Variants in CNTNAP2 observed in about 807,000 individuals in gnomAD.
CNTNAP2 encodes contactin associated protein 2.
Under a neutral mutation model 155.2 loss-of-function variants are expected in CNTNAP2, and 98 were observed. That is an observed-to-expected ratio of 0.63 (90% confidence interval 0.54 to 0.75). The LOEUF (loss-of-function observed/expected upper bound fraction) is 0.75, where lower values mean the gene tolerates loss of function less well. Among genes scored for constraint, CNTNAP2 ranks in the 30% least tolerant of loss-of-function variants. CNTNAP2 has a pLI of 0.00. For missense variants in CNTNAP2, 1,727 were observed against 1,688.1 expected (o/e 1.02, Z -0.40); for synonymous variants, 651 against 631.2 (o/e 1.03, Z -0.47).
At chr7:146,929,769 G>A (rs1796704490) in intron 3 of CNTNAP2, among the ~76,000 whole-genome samples, 1 of 152,214 alleles carries the variant, frequency 6.6e-6, no homozygotes, top group Admixed American at 6.5e-5. Context: ...TGAAAGCCAA[G>A]GCTCGAGAAC....
chr7:146,711,109 CACACACACACAG>C (rs1260411551), intron 1 of CNTNAP2, among the ~76,000 whole-genome samples: 1 of 150,598 alleles, frequency 6.6e-6, no homozygotes, highest in East Asian at 2.0e-4. Context: ...TGTATATGCA[CACACACACACAG>C]ACACACACAC....
chr7:146,201,269 G>T (rs1289189615), intron 1 of CNTNAP2, among the ~76,000 whole-genome samples: 1 of 152,116 alleles, frequency 6.6e-6, no homozygotes, highest in African/African-American at 2.4e-5. Context: ...CTTTCTGGGG[G>T]AGAAACCTGA....
intron 1 of CNTNAP2, among the ~76,000 whole-genome samples, chr7:146,119,633 C>T (rs954524477): frequency 5.9e-5 from 9 of 151,992 alleles, no homozygotes; most frequent in Non-Finnish European, 1.3e-4. Context: ...TTATAAAGAC[C>T]TTGATGGTGC....
chr7:147,849,338 G>A (rs1236976756), intron 13 of CNTNAP2, among the ~76,000 whole-genome samples: 1 of 152,072 alleles, frequency 6.6e-6, no homozygotes, highest in Non-Finnish European at 1.5e-5. Context: ...ATCATTGTTT[G>A]TAGGGGAAAA....
rs1295202201 is a variant in CNTNAP2, at chr7:146,605,074, T to TAA, written c.98-169189_98-169188dup. 9.5e-5 allele frequency among the ~76,000 whole-genome samples: 11 copies of TAA among 115,652 alleles called. 1 individual carries two copies. Among genetic ancestry groups the TAA allele is most frequent in the Non-Finnish European group, 1.6e-4 (9 of 55,128 alleles). 75.9% of individuals were successfully genotyped at this position (115,652 alleles called of 152,430 possible). The stretch of plus-strand genomic sequence containing the variant: ...ATGTACCCTAAAACTTAAAGTATAA[T>TAA]AAAAAAAAACAACAAAAAAAAAAAG... On this transcript the variant is annotated intron_variant, in intron 1 of 23. Transcript: ENST00000361727.
At chr7:147,305,774 C>T (rs750507399) in intron 9 of CNTNAP2, among the ~76,000 whole-genome samples, 24 of 152,092 alleles carry the variant, frequency 1.6e-4, no homozygotes, top group Non-Finnish European at 3.2e-4. Context: ...TGGCTTAAAA[C>T]AACATAGTTC....
In CNTNAP2 at chr7:146,352,880, T is replaced by G. The variant is rs1016812757; in HGVS notation, c.97+235907T>G. Among the ~76,000 whole-genome samples, 362 of 147,314 alleles carry G rather than the reference T, an allele frequency of 2.5e-3. 1 individual carries two copies. The highest frequency in any genetic ancestry group is 8.0e-3 in the African/African-American group (321 of 39,922). ...CGCCATTCTCCTGCCTCAGCCTCCC[T>G]AGTCGCTAGGACTACAGGCACCCGC... On this transcript the variant is annotated intron_variant, in intron 1 of 23. Transcript: ENST00000361727.
At chr7:148,040,311 T>C (rs1462246378) in intron 15 of CNTNAP2, among the ~76,000 whole-genome samples, 4 of 152,210 alleles carry the variant, frequency 2.6e-5, no homozygotes, top group Non-Finnish European at 4.4e-5. Flanking sequence ...AAGATAAGCT[T>C]ACAACCACGG....
At chr7:146,606,833 T>C (rs1166113072) in intron 1 of CNTNAP2, among the ~76,000 whole-genome samples, 5 of 152,200 alleles carry the variant, frequency 3.3e-5, no homozygotes, top group Non-Finnish European at 7.3e-5. Context: ...AACAAGTGAA[T>C]AAGCAGTCGG....
At chr7:148,105,218 C>A (rs940761178) in intron 15 of CNTNAP2, among the ~76,000 whole-genome samples, 1 of 152,144 alleles carries the variant, frequency 6.6e-6, no homozygotes, top group African/African-American at 2.4e-5. Context: ...GAAAGACTGT[C>A]TGGAGGAGGT....
intron 20 of CNTNAP2, among the ~76,000 whole-genome samples, chr7:148,242,790 A>G (rs1796182563): frequency 6.6e-6 from 1 of 152,240 alleles, no homozygotes; most frequent in South Asian, 2.1e-4. Flanking sequence ...TTTATGAATC[A>G]TGGATTCTGT....
chr7:147,997,784 G>C (rs1409378755), intron 15 of CNTNAP2, among the ~76,000 whole-genome samples: 1 of 152,186 alleles, frequency 6.6e-6, no homozygotes, highest in Non-Finnish European at 1.5e-5. Flanking sequence ...GAGGTGAAAA[G>C]AGGTGTTACC....
chr7:148,304,076 C>T (rs889420388), intron 21 of CNTNAP2, among the ~76,000 whole-genome samples: 5 of 152,304 alleles, frequency 3.3e-5, no homozygotes, highest in Non-Finnish European at 5.9e-5. Flanking sequence ...GAAGAGAAGT[C>T]ATTTAAAACC....
chr7:147,238,241 TC>T (rs1337406040), intron 8 of CNTNAP2, among the ~76,000 whole-genome samples: 2 of 152,060 alleles, frequency 1.3e-5, no homozygotes, highest in African/African-American at 2.4e-5. Flanking sequence ...GGTCTCCATC[TC>T]CTGACCTCGT....
chr7:146,748,780 A>G (rs1438107904), intron 1 of CNTNAP2, among the ~76,000 whole-genome samples: 2 of 152,224 alleles, frequency 1.3e-5, no homozygotes, highest in African/African-American at 2.4e-5. Flanking sequence ...TATTAAGAAC[A>G]CTATGGAATT....
intron 1 of CNTNAP2, among the ~76,000 whole-genome samples, chr7:146,330,263 C>T (rs1229491408): frequency 6.6e-6 from 1 of 152,078 alleles, no homozygotes; most frequent in African/African-American, 2.4e-5. Flanking sequence ...CTCAGGTGAT[C>T]CACCCACCTC....
chr7:146,752,807 G>A (rs1247409760), intron 1 of CNTNAP2, among the ~76,000 whole-genome samples: 2 of 152,160 alleles, frequency 1.3e-5, no homozygotes, highest in South Asian at 2.1e-4. Flanking sequence ...GAGGTGTAAG[G>A]AAGGGGTCCA....
At chr7:147,464,390 C>A (rs957687012) in intron 10 of CNTNAP2, among the ~76,000 whole-genome samples, 2 of 149,968 alleles carry the variant, frequency 1.3e-5, no homozygotes, top group East Asian at 2.0e-4. Flanking sequence ...TTGCTTGAAC[C>A]CGGGAGGTGG....
At chr7:147,231,408 A>G (rs890708752) in intron 8 of CNTNAP2, among the ~76,000 whole-genome samples, 1 of 152,238 alleles carries the variant, frequency 6.6e-6, no homozygotes, top group African/African-American at 2.4e-5. Flanking sequence ...GAGAGTAGAT[A>G]TCTCTTTGAC....
Sources: gnomAD v4.1 joint callset for allele counts (sites outside exome capture counted in the v4.1 genomes callset) on GRCh38, gnomAD v4.1.1 for gene constraint, MANE v1.5 for transcripts, NCBI Gene and HGNC (gene_info 2026-07-23, HGNC 2026-07-21) for gene names.